The following DCUN1D2 variants were observed in gnomAD, a reference collection of about 807,000 sequenced individuals.
DCUN1D2 encodes defective in cullin neddylation 1 domain containing 2.
A neutral mutation model predicts 30.9 loss-of-function variants in DCUN1D2; 29 were observed. The observed-to-expected ratio is 0.94, with a 90% CI of 0.70 to 1.28. The LOEUF is 1.28. Ranked by LOEUF, DCUN1D2 falls within the 50% of genes most tolerant of loss-of-function variation. The pLI, the probability that DCUN1D2 is intolerant of heterozygous loss-of-function variation, is 0.00. For missense variants in DCUN1D2, 325 were observed against 316.9 expected (o/e 1.03, Z -0.19); for synonymous variants, 121 against 115.3 (o/e 1.05, Z -0.32).
intron 3 of DCUN1D2, among the ~76,000 whole-genome samples, chr13:113,475,025 T>G (rs2044589920): frequency 6.6e-6 from 1 of 152,090 alleles, no homozygotes; most frequent in South Asian, 2.1e-4. Flanking sequence ...AAACAAAGTC[T>G]ATCTTTGTAA....
At chr13:113,490,755 G>C, upstream of DCUN1D2, 3 of 1,138,222 alleles carry the variant, frequency 2.6e-6, no homozygotes, top group Non-Finnish European at 3.2e-6. The surrounding 1 kb of genome is among the most constrained non-coding windows in gnomAD (Gnocchi z 5.2). Context: ...GACGGCCGCG[G>C]CCCTCGGCTC....
At chr13:113,458,139 T>G in intron 6 of DCUN1D2, 31 bp from the exon 7 acceptor site, 1 of 1,582,584 alleles carries the variant, frequency 6.3e-7, no homozygotes. Flanking sequence ...AGAAAACCCG[T>G]TAGAGCACCG....
At position 113,480,644 on chromosome 13, in the gene DCUN1D2, C is replaced by T; in HGVS notation, c.320G>A (p.Trp107Ter). ...ACACTGAGTTGCTGCCCTGAACTTC[C>T]ACGCTATGACCAATACACTGATACT... Reference protein sequence around the residue: ...PASISVLVIAWKFRAATQCEF... With the variant: ...PASISVLVIA Residue 107 changes from tryptophan to a stop codon, truncating the protein, a stop_gained, in exon 3 of 7, where the codon TGG becomes TAG. Coordinates refer to ENST00000478244, the MANE Select transcript of DCUN1D2 (RefSeq NM_001014283.2). LOFTEE classifies it high-confidence loss of function. 6.2e-7 allele frequency: 1 copy of T among 1,614,140 alleles called. No homozygotes were observed. The highest frequency in any genetic ancestry group is 1.1e-5 in the South Asian group (1 of 91,080).
chr13:113,462,952 G>C (rs1335794942), intron 4 of DCUN1D2: 2 of 1,072,850 alleles, frequency 1.9e-6, no homozygotes, highest in African/African-American at 1.7e-5. Context: ...CTTTGGGTTA[G>C]TTTTGGTGCT....
At position 113,477,676 on chromosome 13, in the gene DCUN1D2, C is replaced by G. The variant is rs142651766; in HGVS notation, c.389+2899G>C. ...TTCCTTTTGGCCAGATTAAGAACTG[C>G]CCCTCTTATTCTTAGTTTTCTATGA... On this transcript the variant is annotated intron_variant, in intron 3 of 6. Transcript: ENST00000478244. Among the ~76,000 whole-genome samples, 183 of 151,412 alleles carry G rather than the reference C, an allele frequency of 1.2e-3. 2 individuals are homozygous for G. The highest frequency in any genetic ancestry group is 4.3e-3 in the African/African-American group (176 of 41,264).
rs773967901 is a variant in DCUN1D2 at position 113,458,005 on chromosome 13, T to C, written c.*24A>G. 2 of 1,602,850 alleles carry C rather than the reference T, an allele frequency of 1.2e-6. No homozygotes were observed. The highest frequency in any genetic ancestry group is 2.2e-5 in the South Asian group (2 of 90,836). Reference sequence around the variant, plus strand: ...TTGCAGGATACAAATCATTTCATAATCTTACTCCTGCTTAACTTGCTGCCT... The same window carrying C: ...TTGCAGGATACAAATCATTTCATAACCTTACTCCTGCTTAACTTGCTGCCT... On this transcript the variant is annotated 3_prime_UTR_variant, in exon 7 of 7. Transcript: ENST00000478244.
In DCUN1D2 at chr13:113,456,090, T is replaced by A; in HGVS notation, c.*1939A>T. The A allele has an allele frequency of 2.5e-6, 1 of 397,606 alleles. No homozygotes were observed. Among genetic ancestry groups the A allele is most frequent in the Non-Finnish European group, 4.4e-6 (1 of 226,006 alleles). 24.6% of individuals were successfully genotyped at this position (397,606 alleles called of 1,614,324 possible). ...TCAAGAATCCATGAAGCCTGGAAGA[T>A]ACGCTCACGTTTTTGAGGTTTGTAT... On this transcript the variant is annotated 3_prime_UTR_variant, in exon 7 of 7. Transcript: ENST00000478244.
At chr13:113,460,201 C>G (rs1018915553) in intron 5 of DCUN1D2, among the ~76,000 whole-genome samples, 4 of 152,232 alleles carry the variant, frequency 2.6e-5, no homozygotes, top group Non-Finnish European at 5.9e-5. Context: ...TCACCTTCCA[C>G]AGACAGCTCC....
intron 4 of DCUN1D2, among the ~76,000 whole-genome samples, chr13:113,467,905 G>A (rs887123802): frequency 8.5e-5 from 13 of 152,054 alleles, no homozygotes; most frequent in African/African-American, 3.1e-4. Context: ...TTAGCCGGGC[G>A]TGGTGGTGTA....
rs192191860 is a variant in DCUN1D2 at position 113,482,159 on chromosome 13, T to C, written c.221-1416A>G. On this transcript the variant is annotated intron_variant, in intron 2 of 6. Transcript: ENST00000478244. ...GCAAGTACTTGTTCATTTGTATATG[T>C]TAATGTCATAACCAATGTTATATTT... Among the ~76,000 whole-genome samples the C allele has an allele frequency of 1.6e-4, 25 of 152,352 alleles. 1 individual carries two copies. Among genetic ancestry groups the C allele is most frequent in the Admixed American group, 1.6e-3 (24 of 15,304 alleles).
Position 113,457,982 on chromosome 13 carries a change from G to C in DCUN1D2, c.*47C>G, listed in dbSNP as rs1384626730. ...CCCAGGAACTGACTGCAATCTCCTT[G>C]CAGGATACAAATCATTTCATAATCT... On this transcript the variant is annotated 3_prime_UTR_variant, in exon 7 of 7. Transcript: ENST00000478244. 3.1e-5 allele frequency: 48 copies of C among 1,543,182 alleles called. No homozygotes were observed. Among genetic ancestry groups the C allele is most frequent in the Non-Finnish European group, 3.9e-5 (44 of 1,115,762 alleles).
At chr13:113,482,360 T>C (rs1364331800) in intron 2 of DCUN1D2, among the ~76,000 whole-genome samples, 1 of 152,246 alleles carries the variant, frequency 6.6e-6, no homozygotes, top group Non-Finnish European at 1.5e-5. Context: ...CAAAGGCTGC[T>C]GTATATATTT....
At chr13:113,487,373 A>G (rs1437642746) in intron 1 of DCUN1D2, among the ~76,000 whole-genome samples, 1 of 152,268 alleles carries the variant, frequency 6.6e-6, no homozygotes. Flanking sequence ...ATAACGGAAC[A>G]TAATTCGGCC....
At position 113,484,032 on chromosome 13, in the gene DCUN1D2, CCTT is replaced by C. The variant is rs747082719; in HGVS notation, c.25_27del (p.Lys9del). 1 of 1,613,996 alleles carries C rather than the reference CCTT, an allele frequency of 6.2e-7. No homozygotes were observed. Among genetic ancestry groups the C allele is most frequent in the South Asian group, 1.1e-5 (1 of 91,078 alleles). On this transcript the variant is annotated inframe_deletion, in exon 2 of 7. Coordinates refer to ENST00000478244, the MANE Select transcript of DCUN1D2 (RefSeq NM_001014283.2). ...CACGCCATAAACTGGCGGACCTTGT[CCTT>C]CTGAGACGATTTAAGCTTATGCTTT... is the stretch of plus-strand genomic sequence containing the variant.
At position 113,490,372 on chromosome 13, in the gene DCUN1D2, T is replaced by A; in HGVS notation, c.3+295A>T. 2 of 289,286 alleles carry A rather than the reference T, an allele frequency of 6.9e-6. No individual in the cohort carries two copies. The highest frequency in any genetic ancestry group is 1.3e-5 in the Non-Finnish European group (2 of 156,630). The allele number at this position is 289,286 out of a possible 1,614,324, so 17.9% of individuals were successfully genotyped here. A position where few individuals can be genotyped will look rare whatever the true frequency, so the allele number is the denominator to read the frequency against. Reference sequence around the variant, plus strand: ...GGAAGCCCCCGGCCTGGGTTCCCGCTCGGCCCCGGCCCCTGCCCCAAGGCC... The same window carrying A: ...GGAAGCCCCCGGCCTGGGTTCCCGCACGGCCCCGGCCCCTGCCCCAAGGCC... On this transcript the variant is annotated intron_variant, in intron 1 of 6. Coordinates refer to ENST00000478244, the MANE Select transcript of DCUN1D2 (RefSeq NM_001014283.2). The surrounding 1 kb of genome is among the most constrained non-coding windows in gnomAD (Gnocchi z 5.2).
At chr13:113,477,675 G>A (rs192918064) in intron 3 of DCUN1D2, among the ~76,000 whole-genome samples, 16 of 150,586 alleles carry the variant, frequency 1.1e-4, no homozygotes, top group Admixed American at 1.1e-3. Flanking sequence ...ATTAAGAACT[G>A]CCCCTCTTAT....
At chr13:113,470,031 G>A (rs1222681547) in intron 4 of DCUN1D2, among the ~76,000 whole-genome samples, 1 of 152,144 alleles carries the variant, frequency 6.6e-6, no homozygotes, top group African/African-American at 2.4e-5. Flanking sequence ...GAAGGCACAC[G>A]AGGGAGATAA....
In DCUN1D2 at chr13:113,490,404, G is replaced by A; in HGVS notation, c.3+263C>T. On this transcript the variant is annotated intron_variant, in intron 1 of 6. Transcript: ENST00000478244. This position sits in a 1 kb window ranked among gnomAD's most constrained non-coding sequence, Gnocchi z 5.2. Reference sequence around the variant, plus strand: ...CGGCCCCTGCCCCAAGGCCCCTACAGTTCCTCCCGGCCCCCGCCCTCCGCT... The same window carrying A: ...CGGCCCCTGCCCCAAGGCCCCTACAATTCCTCCCGGCCCCCGCCCTCCGCT... 2 of 333,278 alleles carry A rather than the reference G, an allele frequency of 6.0e-6. No homozygotes were observed. The highest frequency in any genetic ancestry group is 6.1e-5 in the South Asian group (1 of 16,314). 20.6% of individuals were successfully genotyped at this position (333,278 alleles called of 1,614,324 possible).
intron 5 of DCUN1D2, among the ~76,000 whole-genome samples, chr13:113,459,717 ATAT>A (rs1424269070): frequency 6.6e-6 from 1 of 152,244 alleles, no homozygotes; most frequent in Non-Finnish European, 1.5e-5. Context: ...GCATGTATAT[ATAT>A]ATTCACGAAC....
Sources: gnomAD v4.1 joint callset for allele counts (sites outside exome capture counted in the v4.1 genomes callset) on GRCh38, gnomAD v4.1.1 for gene constraint, Gnocchi (gnomAD v3.1) non-coding constraint, MANE v1.5 for transcripts, NCBI Gene and HGNC (gene_info 2026-07-23, HGNC 2026-07-21) for gene names.